The following VPS13C variants were observed in gnomAD, a reference collection of about 807,000 sequenced individuals.
VPS13C encodes intermembrane lipid transfer protein VPS13C.
In VPS13C, 358 loss-of-function variants were observed where a neutral mutation model predicts 456.8. The ratio of observed to expected loss-of-function variants is 0.78; its 90% CI spans 0.72 to 0.86. The LOEUF (loss-of-function observed/expected upper bound fraction) is 0.86. VPS13C is among the 40% of genes least tolerant of loss of function. VPS13C has a pLI of 0.00. For synonymous variants in VPS13C, 1,578 were observed against 1,486.7 expected (o/e 1.06, Z -1.41); for missense variants, 4,818 against 4,385.4 (o/e 1.10, Z -2.79).
At chr15:62,027,475 C>T (rs1281549994) in intron 6 of VPS13C, among the ~76,000 whole-genome samples, 1 of 152,078 alleles carries the variant, frequency 6.6e-6, no homozygotes, top group Non-Finnish European at 1.5e-5. Flanking sequence ...AAACTGCTTT[C>T]AGGGTAATTT....
At chr15:61,932,590 T>C (rs1397221408) in intron 49 of VPS13C, among the ~76,000 whole-genome samples, 2 of 151,534 alleles carry the variant, frequency 1.3e-5, no homozygotes, top group South Asian at 2.1e-4. Context: ...TCCAACACCA[T>C]TGCTTACTAG....
At chr15:62,058,420 C>T (rs1290530424) in intron 1 of VPS13C, among the ~76,000 whole-genome samples, 1 of 151,978 alleles carries the variant, frequency 6.6e-6, no homozygotes, top group Admixed American at 6.6e-5. Context: ...CCTCCATATT[C>T]ACGGACTGAA....
chr15:61,988,933 A>G (rs1596435575), intron 18 of VPS13C, among the ~76,000 whole-genome samples: 1 of 152,338 alleles, frequency 6.6e-6, no homozygotes, highest in Middle Eastern at 3.4e-3. Flanking sequence ...CTAAATACAT[A>G]AAGTAAGACA....
At chr15:61,862,506 T>C (rs74752297) in intron 82 of VPS13C, among the ~76,000 whole-genome samples, 8,155 of 152,238 alleles carry the variant, frequency 0.054, 299 homozygotes, top group Non-Finnish European at 0.082. Flanking sequence ...TTAAAATGAA[T>C]TAACACATTG....
chr15:61,920,791 CTT>C (rs935561055), intron 55 of VPS13C, 144 bp from the exon 56 acceptor site: 1 of 671,890 alleles, frequency 1.5e-6, no homozygotes, highest in Non-Finnish European at 2.2e-6. Context: ...CCATGCTTCA[CTT>C]TGATTTCATG....
intron 52 of VPS13C, among the ~76,000 whole-genome samples, chr15:61,926,211 C>T (rs1046026415): frequency 6.6e-6 from 1 of 152,030 alleles, no homozygotes; most frequent in African/African-American, 2.4e-5. Context: ...CCAGCCTGCA[C>T]AATATAGCAA....
At chr15:62,054,895 G>T (rs573966287) in intron 1 of VPS13C, among the ~76,000 whole-genome samples, 1 of 152,202 alleles carries the variant, frequency 6.6e-6, no homozygotes, top group East Asian at 1.9e-4. Context: ...CAATGACAAA[G>T]GTTTTTGACA....
chr15:61,982,663 G>T, intron 20 of VPS13C, 90 bp from the exon 21 acceptor site: 1 of 854,806 alleles, frequency 1.2e-6, no homozygotes, highest in Non-Finnish European at 1.8e-6. Context: ...CTAAACAGCT[G>T]TAGCTTTGAA....
chr15:62,036,943 A>C (rs1004389150), intron 3 of VPS13C, among the ~76,000 whole-genome samples: 1 of 151,194 alleles, frequency 6.6e-6, no homozygotes, highest in Non-Finnish European at 1.5e-5. Flanking sequence ...GGTTAGGTAT[A>C]ATATTTTAAC....
intron 24 of VPS13C, among the ~76,000 whole-genome samples, 154 bp downstream of exon 24, chr15:61,976,928 T>C (rs537050787): frequency 9.9e-5 from 15 of 152,204 alleles, no homozygotes; most frequent in South Asian, 8.3e-4. Context: ...AATTCAAATA[T>C]ACATTTTCTT....
chr15:61,995,096 C>T (rs1413166653), intron 16 of VPS13C, among the ~76,000 whole-genome samples: 1 of 152,196 alleles, frequency 6.6e-6, no homozygotes, highest in Non-Finnish European at 1.5e-5. Context: ...GTCGTTCATG[C>T]TCTCTCATTC....
intron 44 of VPS13C, 109 bp from the exon 45 acceptor site, chr15:61,945,991 A>G (rs2044592919): frequency 2.0e-6 from 2 of 986,608 alleles, no homozygotes; most frequent in Admixed American, 6.0e-5. Flanking sequence ...GTAGAAATAT[A>G]TGAATTCAAC....
At chr15:61,927,450 A>G in intron 51 of VPS13C, 130 bp from the exon 52 acceptor site, 1 of 671,432 alleles carries the variant, frequency 1.5e-6, no homozygotes, top group South Asian at 1.9e-5. Context: ...TGACAATATT[A>G]ATTGGTTAAT....
chr15:61,930,972 A>G, intron 50 of VPS13C, 118 bp downstream of exon 50: 1 of 1,167,914 alleles, frequency 8.6e-7, no homozygotes, highest in Non-Finnish European at 1.2e-6. Flanking sequence ...TCAAATCAGG[A>G]AGTATGACCA....
Position 61,962,552 on chromosome 15 carries a change from A to C in VPS13C, c.3436-14T>G. On this transcript the variant is annotated splice_polypyrimidine_tract_variant and intron_variant, in intron 33 of 84. Coordinates refer to ENST00000644861, the MANE Select transcript of VPS13C (RefSeq NM_020821.3). ...TATTGACACAGCCTGAAAAACAGAG[A>C]CTTGAATGTACTCTATCCGGGAAGG... 1 of 1,603,772 alleles carries C rather than the reference A, an allele frequency of 6.2e-7. No homozygotes were observed. The highest frequency in any genetic ancestry group is 1.1e-5 in the South Asian group (1 of 88,730).
chr15:61,948,804 T>C (rs1306784492), intron 42 of VPS13C, among the ~76,000 whole-genome samples: 8 of 152,134 alleles, frequency 5.3e-5, no homozygotes, highest in Admixed American at 3.3e-4. Flanking sequence ...ACTGAATTAC[T>C]AGATGTTAAA....
intron 1 of VPS13C, among the ~76,000 whole-genome samples, chr15:62,045,550 A>G (rs560774586): frequency 1.3e-5 from 2 of 152,308 alleles, no homozygotes; most frequent in South Asian, 2.1e-4. Flanking sequence ...AGGAAACAAA[A>G]TAAGGTCAGA....
rs2043265125 is a variant in VPS13C at position 61,910,241 on chromosome 15, C to T, written c.8780G>A (p.Gly2927Glu). Residue 2927 changes from glycine to glutamate, a missense_variant, in exon 64 of 85, where the codon GGA becomes GAA. Coordinates refer to ENST00000644861, the MANE Select transcript of VPS13C (RefSeq NM_020821.3). ...GTTATAAAAGAATGGTTTGGAAGAT[C>T]CTTCACAGCCCACCACTCTCACACA... ...KLCVRVVGCE[G>E]SSKPFFYNRQ... The T allele has an allele frequency of 6.6e-7, 1 of 1,523,760 alleles. No individual in the cohort carries two copies. Among genetic ancestry groups the T allele is most frequent in the East Asian group, 2.5e-5 (1 of 40,006 alleles). 94.4% of individuals were successfully genotyped at this position (1,523,760 alleles called of 1,614,324 possible). A position where few individuals can be genotyped will look rare whatever the true frequency, so the allele number is the denominator to read the frequency against.
rs1365806767 is a variant in VPS13C, at chr15:61,943,735, G to T, written c.5149-1668C>A. On this transcript the variant is annotated intron_variant, in intron 45 of 84. Coordinates refer to ENST00000644861, the MANE Select transcript of VPS13C (RefSeq NM_020821.3). ...CATTCTAGATATCGGCTCTGGGAAA[G>T]AATTTATGACTAAGTGCTTAAAAGC... 2.6e-5 allele frequency among the ~76,000 whole-genome samples: 4 copies of T among 151,996 alleles called. No individual in the cohort carries two copies. In the South Asian group the frequency reaches 8.3e-4, roughly 32 times the overall value.
Sources: gnomAD v4.1 joint callset for allele counts (sites outside exome capture counted in the v4.1 genomes callset) on GRCh38, gnomAD v4.1.1 for gene constraint, MANE v1.5 for transcripts, NCBI Gene and HGNC (gene_info 2026-07-23, HGNC 2026-07-21) for gene names.